Variants in GRM1 observed in about 807,000 individuals in gnomAD.
GRM1 encodes metabotropic glutamate receptor 1.
GRM1 carries 33 observed loss-of-function variants against 90.9 expected under a neutral mutation model. That is an observed-to-expected ratio of 0.36 (90% CI 0.28 to 0.49). The LOEUF is 0.49. Among genes scored for constraint, GRM1 ranks in the 20% least tolerant of loss-of-function variants. The pLI is 0.99. For synonymous variants in GRM1, 700 were observed against 613.2 expected, an observed-to-expected ratio of 1.14 and a Z score of -2.09; for missense variants, 1,190 against 1,534.3, an observed-to-expected ratio of 0.78 and a Z score of 3.75.
intron 1 of GRM1, among the ~76,000 whole-genome samples, chr6:146,103,147 A>T (rs1777106737): frequency 6.6e-6 from 1 of 152,218 alleles, no homozygotes; most frequent in South Asian, 2.1e-4. Flanking sequence ...TATACCAAAC[A>T]TGGTGAAATT....
intron 2 of GRM1, among the ~76,000 whole-genome samples, chr6:146,249,149 A>C (rs1190433887): frequency 6.6e-6 from 1 of 152,230 alleles, no homozygotes; most frequent in African/African-American, 2.4e-5. Context: ...TAAAATTTGC[A>C]GCCTGACCAT....
chr6:146,115,090 T>G (rs1012089754), intron 1 of GRM1, among the ~76,000 whole-genome samples: 1 of 152,100 alleles, frequency 6.6e-6, no homozygotes, highest in African/African-American at 2.4e-5. Context: ...CTGAGTAACC[T>G]CCTTCAAACC....
At chr6:146,135,949 C>T (rs1038261739) in intron 1 of GRM1, among the ~76,000 whole-genome samples, 1 of 152,160 alleles carries the variant, frequency 6.6e-6, no homozygotes, top group African/African-American at 2.4e-5. Flanking sequence ...TTCCCAGCCT[C>T]TGGGAACCAT....
At chr6:146,057,823 G>A (rs569074051) in intron 1 of GRM1, among the ~76,000 whole-genome samples, 1 of 152,094 alleles carries the variant, frequency 6.6e-6, no homozygotes, top group Non-Finnish European at 1.5e-5. Context: ...GTTCCCTGAA[G>A]AACTCTAAAG....
intron 2 of GRM1, among the ~76,000 whole-genome samples, chr6:146,206,394 G>C (rs1209566512): frequency 6.6e-6 from 1 of 152,076 alleles, no homozygotes. Flanking sequence ...TCTTGATACT[G>C]TCAGTTGCCA....
At chr6:146,167,788 T>C (rs1777962748) in intron 2 of GRM1, among the ~76,000 whole-genome samples, 1 of 152,152 alleles carries the variant, frequency 6.6e-6, no homozygotes, top group Non-Finnish European at 1.5e-5. Context: ...TGGACACAAG[T>C]GATTTATCGT....
chr6:146,414,699 G>T (rs1298980305), intron 7 of GRM1, among the ~76,000 whole-genome samples: 1 of 152,180 alleles, frequency 6.6e-6, no homozygotes, highest in Middle Eastern at 3.2e-3. Flanking sequence ...ACCACACCTG[G>T]CCTGCCTTTT....
At chr6:146,233,782 G>T (rs1169373470) in intron 2 of GRM1, among the ~76,000 whole-genome samples, 2 of 152,020 alleles carry the variant, frequency 1.3e-5, no homozygotes, top group Non-Finnish European at 2.9e-5. Flanking sequence ...TCAAACTATA[G>T]TTAGACGGAA....
intron 1 of GRM1, among the ~76,000 whole-genome samples, chr6:146,134,539 CCTT>C (rs1191061149): frequency 6.6e-6 from 1 of 152,096 alleles, no homozygotes; most frequent in Non-Finnish European, 1.5e-5. Context: ...GCAAACATGT[CCTT>C]CTTCACATGG....
At chr6:146,211,931 A>G (rs1583170654) in intron 2 of GRM1, among the ~76,000 whole-genome samples, 1 of 152,208 alleles carries the variant, frequency 6.6e-6, no homozygotes, top group South Asian at 2.1e-4. Context: ...GATTTATTGC[A>G]GTGAATTGAT....
At chr6:146,298,636 A>G (rs981636718) in intron 2 of GRM1, among the ~76,000 whole-genome samples, 1 of 152,202 alleles carries the variant, frequency 6.6e-6, no homozygotes, top group Non-Finnish European at 1.5e-5. Flanking sequence ...GGGACTTTGC[A>G]TATCTTTGTG....
intron 5 of GRM1, among the ~76,000 whole-genome samples, chr6:146,374,133 C>T (rs972608748): frequency 7.2e-6 from 1 of 138,714 alleles, no homozygotes; most frequent in East Asian, 2.1e-4. Flanking sequence ...TGGTTTTTAT[C>T]CTTTATTCTG....
chr6:146,355,286 G>A (rs1785545464), intron 4 of GRM1, among the ~76,000 whole-genome samples: 1 of 151,246 alleles, frequency 6.6e-6, no homozygotes, highest in African/African-American at 2.4e-5. Context: ...TCAACAGGAT[G>A]AGTGTGAGCC....
chr6:146,118,729 T>C (rs1029253176), intron 1 of GRM1, among the ~76,000 whole-genome samples: 10 of 152,206 alleles, frequency 6.6e-5, no homozygotes, highest in Non-Finnish European at 1.5e-4. Context: ...CTGAGAATGA[T>C]GGTTTCCAGC....
At chr6:146,033,078 A>G (rs1790764279) in intron 1 of GRM1, among the ~76,000 whole-genome samples, 1 of 152,190 alleles carries the variant, frequency 6.6e-6, no homozygotes, top group Non-Finnish European at 1.5e-5. Flanking sequence ...CATAAAATGA[A>G]AGAAAATCAG....
At position 146,137,148 on chromosome 6, in the gene GRM1, C is replaced by T. The variant is rs568518547; in HGVS notation, c.701-22200C>T. Among the ~76,000 whole-genome samples, 19 of 152,168 alleles carry T rather than the reference C, an allele frequency of 1.2e-4. No individual in the cohort carries two copies. The East Asian group carries it at 2.3e-3, about 19-fold the overall frequency. Reference sequence around the variant, plus strand: ...GATTACAGGCGTGAGCTACCATGCCCGGCCGCAGAAGCTTTTTAAGTTGAT... The same window carrying T: ...GATTACAGGCGTGAGCTACCATGCCTGGCCGCAGAAGCTTTTTAAGTTGAT... On this transcript the variant is annotated intron_variant, in intron 1 of 7. Coordinates refer to ENST00000282753, the MANE Select transcript of GRM1 (RefSeq NM_001278064.2).
intron 3 of GRM1, among the ~76,000 whole-genome samples, chr6:146,349,044 C>CCATTAT (rs1554299557): frequency 7.1e-6 from 1 of 141,538 alleles, no homozygotes; most frequent in Non-Finnish European, 1.5e-5. Flanking sequence ...GAAGTGGTAG[C>CCATTAT]TATTATTATT....
rs567610944 is a variant in GRM1 at position 146,143,854 on chromosome 6, C to T, written c.701-15494C>T. Among the ~76,000 whole-genome samples the T allele has an allele frequency of 2.2e-4, 34 of 152,236 alleles. No homozygotes were observed. The South Asian group carries it at 6.0e-3, about 27-fold the overall frequency. On this transcript the variant is annotated intron_variant, in intron 1 of 7. Coordinates refer to ENST00000282753, the MANE Select transcript of GRM1 (RefSeq NM_001278064.2). ...ACCAAATGCTTATGCTATAAGAAACCTTAGAGATTTCCTAGTACAAACCCT... is the reference window on the plus strand; with the variant it reads ...ACCAAATGCTTATGCTATAAGAAACTTTAGAGATTTCCTAGTACAAACCCT...
At chr6:146,408,953 A>G (rs1777459611) in intron 7 of GRM1, among the ~76,000 whole-genome samples, 2 of 152,174 alleles carry the variant, frequency 1.3e-5, no homozygotes, top group African/African-American at 4.8e-5. Context: ...AAAATAAGAG[A>G]AAAGTCTCAG....
Sources: gnomAD v4.1 joint callset for allele counts (sites outside exome capture counted in the v4.1 genomes callset) on GRCh38, gnomAD v4.1.1 for gene constraint, MANE v1.5 for transcripts, NCBI Gene and HGNC (gene_info 2026-07-23, HGNC 2026-07-21) for gene names.